Variants in ST18 observed in about 807,000 individuals in gnomAD.
ST18 encodes the protein ST18 C2H2C-type zinc finger transcription factor.
Under a neutral mutation model 110.0 loss-of-function variants are expected in ST18, and 50 were observed. That is an observed-to-expected ratio of 0.45 (90% confidence interval 0.36 to 0.58). The LOEUF (loss-of-function observed/expected upper bound fraction) is 0.58. Among genes scored for constraint, ST18 ranks in the 20% least tolerant of loss-of-function variants. ST18 has a pLI of 0.00. For missense variants in ST18, 1,306 were observed against 1,280.1 expected, an observed-to-expected ratio of 1.02 and a Z score of -0.31; for synonymous variants, 461 against 452.4, an observed-to-expected ratio of 1.02 and a Z score of -0.24.
intron 2 of ST18, among the ~76,000 whole-genome samples, chr8:52,394,351 T>A (rs558515266): frequency 8.5e-5 from 13 of 152,300 alleles, no homozygotes; most frequent in African/African-American, 3.1e-4. Context: ...TTTAGAAAAA[T>A]TTCACAATTT....
Position 52,149,929 on chromosome 8 carries a change from T to C in ST18, c.1855A>G (p.Lys619Glu), listed in dbSNP as rs1429856022. The C allele has an allele frequency of 1.2e-6, 2 of 1,614,054 alleles. No individual in the cohort carries two copies. Among genetic ancestry groups the C allele is most frequent in the African/African-American group, 2.7e-5 (2 of 74,940 alleles). ...DENGTLDLSM[K>E]KNRILDKSAP... ...GACTTGTCCAGGATTCGATTTTTTT[T>C]CATGCTTAAGTCCAATGTGCCATTT... is the stretch of plus-strand genomic sequence containing the variant. Residue 619 changes from lysine to glutamate, a missense_variant, in exon 16 of 26, where the codon AAA (lysine) becomes GAA (glutamate). Physicochemically the swap from Lys to Glu is moderately conservative, Grantham distance 56. Coordinates refer to ENST00000689386, the MANE Select transcript of ST18 (RefSeq NM_001352837.2).
chr8:52,179,974 T>C, intron 9 of ST18, 148 bp downstream of exon 9: 1 of 876,224 alleles, frequency 1.1e-6, no homozygotes, highest in Non-Finnish European at 1.7e-6. Flanking sequence ...TAAATGAATG[T>C]CAAGTAAAAT....
chr8:52,374,070 A>G (rs1016782608), intron 2 of ST18, among the ~76,000 whole-genome samples: 3 of 152,070 alleles, frequency 2.0e-5, no homozygotes, highest in East Asian at 3.9e-4. Context: ...AGAAAATTCA[A>G]CCAATCCAAA....
chr8:52,152,242 G>A (rs886191787), intron 15 of ST18, among the ~76,000 whole-genome samples: 2 of 152,132 alleles, frequency 1.3e-5, no homozygotes, highest in South Asian at 2.1e-4. Flanking sequence ...GTCCCTTTCT[G>A]CCCATAGATA....
intron 2 of ST18, among the ~76,000 whole-genome samples, chr8:52,246,862 C>T (rs2093900149): frequency 6.6e-6 from 1 of 152,276 alleles, no homozygotes; most frequent in African/African-American, 2.4e-5. Context: ...ACATTTATCT[C>T]CCATCACTCT....
At chr8:52,361,111 T>C (rs1825552407) in intron 2 of ST18, among the ~76,000 whole-genome samples, 1 of 152,234 alleles carries the variant, frequency 6.6e-6, no homozygotes, top group Non-Finnish European at 1.5e-5. Context: ...GGTCTCAAAA[T>C]ATTTCACCGT....
At chr8:52,193,750 T>A (rs2075315870) in intron 8 of ST18, among the ~76,000 whole-genome samples, 2 of 152,202 alleles carry the variant, frequency 1.3e-5, no homozygotes. Flanking sequence ...ACAAATTCAC[T>A]TTTACCCAGT....
At position 52,113,533 on chromosome 8, in the gene ST18, C is replaced by T. The variant is rs112906739; in HGVS notation, c.3004-195G>A. 9.2e-3 allele frequency among the ~76,000 whole-genome samples: 1,404 copies of T among 152,196 alleles called. 15 individuals are homozygous for T. Among genetic ancestry groups the T allele is most frequent in the Non-Finnish European group, 0.016 (1,080 of 68,012 alleles). ...ATCTGTTCACTCTTAATTCAGGAGA[C>T]GAATATGACTGGCTTGTACAGTATT... is the stretch of plus-strand genomic sequence containing the variant. On this transcript the variant is annotated intron_variant, in intron 25 of 25. Transcript: ENST00000689386.
rs1586871199 is a variant in ST18 at position 52,144,702 on chromosome 8, A to G, written c.2053-1657T>C. Among the ~76,000 whole-genome samples, 4 of 152,258 alleles carry G rather than the reference A, an allele frequency of 2.6e-5. No homozygotes were observed. In the South Asian group the frequency reaches 8.3e-4, roughly 32 times the overall value. ...ATGTTTGAAAACAGAAGCCGATAAAAAGACAGGATTTTAAAATAAAGAGAA... is the reference window on the plus strand; with the variant it reads ...ATGTTTGAAAACAGAAGCCGATAAAGAGACAGGATTTTAAAATAAAGAGAA... On this transcript the variant is annotated intron_variant, in intron 16 of 25. Transcript: ENST00000689386.
At chr8:52,151,566 C>A (rs1488642827) in intron 15 of ST18, among the ~76,000 whole-genome samples, 1 of 152,072 alleles carries the variant, frequency 6.6e-6, no homozygotes, top group African/African-American at 2.4e-5. Context: ...CATTAATAAA[C>A]CTTAGTTACA....
intron 2 of ST18, among the ~76,000 whole-genome samples, chr8:52,374,114 G>A (rs13258045): frequency 0.75 from 114,602 of 151,976 alleles, 48,104 homozygotes; most frequent in Non-Finnish European, 0.93. Flanking sequence ...TGGGTTGAAG[G>A]GTGCCACCAA....
chr8:52,256,435 G>A lies in ST18; in HGVS notation c.-464-26358C>T, dbSNP rs141538229. Among the ~76,000 whole-genome samples, 1,489 of 152,202 alleles carry A rather than the reference G, an allele frequency of 9.8e-3. 20 individuals are homozygous for A. Among genetic ancestry groups the A allele is most frequent in the African/African-American group, 0.034 (1,411 of 41,512 alleles). On this transcript the variant is annotated intron_variant, in intron 2 of 25. Transcript: ENST00000689386. ...TGAAATGCAGTGGCACAATCACAGCGCACTGCAGCCTCGACTTCCTGGACT... is the reference window on the plus strand; with the variant it reads ...TGAAATGCAGTGGCACAATCACAGCACACTGCAGCCTCGACTTCCTGGACT...
At chr8:52,268,383 G>A (rs929221063) in intron 2 of ST18, among the ~76,000 whole-genome samples, 2 of 152,168 alleles carry the variant, frequency 1.3e-5, no homozygotes, top group African/African-American at 4.8e-5. Flanking sequence ...CATTCAGCAG[G>A]CCTGGCTCAT....
chr8:52,276,868 G>A (rs2095277762), intron 2 of ST18, among the ~76,000 whole-genome samples: 1 of 151,340 alleles, frequency 6.6e-6, no homozygotes, highest in Non-Finnish European at 1.5e-5. Flanking sequence ...CCGGGTTCAA[G>A]CGATTCTCCT....
chr8:52,408,585 A>C (rs1296413091), intron 2 of ST18, among the ~76,000 whole-genome samples: 1 of 152,242 alleles, frequency 6.6e-6, no homozygotes, highest in Non-Finnish European at 1.5e-5. Context: ...AAAAGTGGTT[A>C]TTATGCTTTG....
intron 9 of ST18, among the ~76,000 whole-genome samples, chr8:52,178,678 C>A (rs28417267): frequency 0.12 from 12,264 of 105,050 alleles, 2,203 homozygotes; most frequent in African/African-American, 0.39. Flanking sequence ...ACAAAAAAAA[C>A]CCACCAAAAC....
intron 2 of ST18, among the ~76,000 whole-genome samples, chr8:52,285,382 G>A (rs759233909): frequency 3.3e-5 from 5 of 152,130 alleles, no homozygotes; most frequent in African/African-American, 7.2e-5. Context: ...AACATCTGTC[G>A]TTAACTTTCT....
At chr8:52,394,049 T>A (rs554597410) in intron 2 of ST18, among the ~76,000 whole-genome samples, 64 of 152,276 alleles carry the variant, frequency 4.2e-4, no homozygotes, top group African/African-American at 1.5e-3. Flanking sequence ...TCTCATCATA[T>A]CTTCATACTC....
chr8:52,145,118 A>G (rs1490604044), intron 16 of ST18, among the ~76,000 whole-genome samples: 2 of 152,046 alleles, frequency 1.3e-5, no homozygotes, highest in African/African-American at 4.8e-5. Context: ...ATTTATGGCA[A>G]AGTTATGAAC....
Sources: gnomAD v4.1 joint callset for allele counts (sites outside exome capture counted in the v4.1 genomes callset) on GRCh38, gnomAD v4.1.1 for gene constraint, MANE v1.5 for transcripts, NCBI Gene and HGNC (gene_info 2026-07-23, HGNC 2026-07-21) for gene names.